The following ADAMTS10 variants were observed in gnomAD, a reference collection of about 807,000 sequenced individuals.
ADAMTS10 encodes ADAM metallopeptidase with thrombospondin type 1 motif 10.
ADAMTS10 carries 48 observed loss-of-function variants against 135.9 expected under a neutral mutation model. That is an observed-to-expected ratio of 0.35 (90% CI 0.28 to 0.45). The LOEUF is 0.45. Ranked by LOEUF, ADAMTS10 falls within the 20% of genes least tolerant of loss-of-function variation. ADAMTS10 has a pLI of 1.00. For synonymous variants in ADAMTS10, 621 were observed against 647.5 expected, an observed-to-expected ratio of 0.96 and a Z score of 0.62; for missense variants, 1,131 against 1,565.2, an observed-to-expected ratio of 0.72 and a Z score of 4.68.
chr19:8,605,872 G>T lies in ADAMTS10; in HGVS notation c.-99-63C>A. 1 of 1,376,972 alleles carries T rather than the reference G, an allele frequency of 7.3e-7. No homozygotes were observed. Among genetic ancestry groups the T allele is most frequent in the Admixed American group, 2.8e-5 (1 of 35,746 alleles). 85.3% of individuals were successfully genotyped at this position (1,376,972 alleles called of 1,614,324 possible). On this transcript the variant is annotated intron_variant, in intron 2 of 25. Transcript: ENST00000597188. The surrounding 1 kb of genome is among the most constrained non-coding windows in gnomAD (Gnocchi z 7.7). ...CGCTGTCCAGCACAACCAATGCCAA[G>T]GCCAATCATGGCCAAAGCTTTTCAC... is the stretch of plus-strand genomic sequence containing the variant.
intron 5 of ADAMTS10, among the ~76,000 whole-genome samples, chr19:8,603,019 C>T (rs2042683043): frequency 6.6e-6 from 1 of 152,178 alleles, no homozygotes; most frequent in South Asian, 2.1e-4. Context: ...CCTGATTGTA[C>T]AACCATCCTC....
Position 8,585,678 on chromosome 19 carries a change from G to C in ADAMTS10, c.2661-18C>G. 1 of 1,610,644 alleles carries C rather than the reference G, an allele frequency of 6.2e-7. No individual in the cohort carries two copies. Among genetic ancestry groups the C allele is most frequent in the Non-Finnish European group, 8.5e-7 (1 of 1,178,610 alleles). ...CAACCCAGCTGTAAGAGATGAAGGGGTCTGAGCAAGTAAGCAGGGCAGGGG... is the reference window on the plus strand; with the variant it reads ...CAACCCAGCTGTAAGAGATGAAGGGCTCTGAGCAAGTAAGCAGGGCAGGGG... On this transcript the variant is annotated intron_variant, in intron 22 of 25. Transcript: ENST00000597188.
At chr19:8,592,659 G>C in intron 13 of ADAMTS10, 104 bp downstream of exon 13, 1 of 1,186,738 alleles carries the variant, frequency 8.4e-7, no homozygotes, top group Non-Finnish European at 1.2e-6. Flanking sequence ...TGGCCAATGT[G>C]GGAGGGAGCA....
chr19:8,592,878 C>A lies in ADAMTS10; in HGVS notation c.1480-8G>T. On this transcript the variant is annotated splice_polypyrimidine_tract_variant and splice_region_variant and intron_variant, in intron 12 of 25. Coordinates refer to ENST00000597188, the MANE Select transcript of ADAMTS10 (RefSeq NM_030957.4). ...CAGCTCGCTGCAGACCTCCTGCGGG[C>A]CGAGGTGCCCGCTCAGGCTCGCCCC... 1.2e-6 allele frequency: 2 copies of A among 1,608,276 alleles called. No homozygotes were observed. The highest frequency in any genetic ancestry group is 8.5e-7 in the Non-Finnish European group (1 of 1,179,008).
At chr19:8,589,097 C>T (rs371980921) in intron 18 of ADAMTS10, 145 bp downstream of exon 18, 52 of 1,384,944 alleles carry the variant, frequency 3.8e-5, no homozygotes, top group Admixed American at 2.5e-4. Context: ...TGGCTGAGCC[C>T]GCAGGACTTT....
chr19:8,610,267 C>G (rs1351118344), intron 1 of ADAMTS10, among the ~76,000 whole-genome samples: 7 of 151,944 alleles, frequency 4.6e-5, no homozygotes, highest in African/African-American at 1.7e-4. Context: ...GACACACACA[C>G]AAACCCAGAC....
chr19:8,585,514 A>C lies in ADAMTS10; in HGVS notation c.2807T>G (p.Leu936Arg). 1 of 1,552,314 alleles carries C rather than the reference A, an allele frequency of 6.4e-7. No individual in the cohort carries two copies. Among genetic ancestry groups the C allele is most frequent in the Non-Finnish European group, 8.7e-7 (1 of 1,147,972 alleles). The change falls in exon 23 of 26, where the codon CTG becomes CGG. Residue 936 changes from leucine to arginine, a missense_variant. Leu to Arg is a moderately radical substitution (Grantham distance 102). Transcript: ENST00000597188. Reference sequence around the variant, plus strand: ...GCAAGTGGGGCCGTGGCAGGCCTCCAGTACAGGTGGGCGCGGCTGCGGGCA... The same window carrying C: ...GCAAGTGGGGCCGTGGCAGGCCTCCCGTACAGGTGGGCGCGGCTGCGGGCA... ...SACPQPRPPV[L>R]EACHGPTCPP...
intron 15 of ADAMTS10, 76 bp downstream of exon 15, chr19:8,591,724 G>A: frequency 6.4e-7 from 1 of 1,568,770 alleles, no homozygotes; most frequent in Non-Finnish European, 8.7e-7. Context: ...ACAGGCGTGA[G>A]CCACGGTGCC....
In ADAMTS10 at chr19:8,596,858, C is replaced by A. The variant is rs1265349085; in HGVS notation, c.1040+129G>T. On this transcript the variant is annotated intron_variant, in intron 8 of 25. Coordinates refer to ENST00000597188, the MANE Select transcript of ADAMTS10 (RefSeq NM_030957.4). This position sits in a 1 kb window ranked among gnomAD's most constrained non-coding sequence, Gnocchi z 7.2. ...AAGCAGCCCCTCCCCATCCCTGGCT[C>A]CCTCATGGGCAGCCCAAACTTCTCT... is the stretch of plus-strand genomic sequence containing the variant. 2.0e-5 allele frequency: 29 copies of A among 1,443,536 alleles called. No individual in the cohort carries two copies. Among genetic ancestry groups the A allele is most frequent in the Non-Finnish European group, 2.0e-5 (21 of 1,050,526 alleles). 89.4% of individuals were successfully genotyped at this position (1,443,536 alleles called of 1,614,324 possible).
chr19:8,594,019 C>A (rs924107029), intron 12 of ADAMTS10, among the ~76,000 whole-genome samples: 6 of 152,238 alleles, frequency 3.9e-5, no homozygotes, highest in Non-Finnish European at 7.3e-5. Flanking sequence ...TCTCTGCCTT[C>A]TGCCTTATAG....
At chr19:8,581,727 C>T (rs1240888081) in intron 25 of ADAMTS10, among the ~76,000 whole-genome samples, 6 of 151,728 alleles carry the variant, frequency 4.0e-5, no homozygotes, top group Non-Finnish European at 5.9e-5. Context: ...CCCAGCTACT[C>T]GACAGCCTGA....
intron 6 of ADAMTS10, among the ~76,000 whole-genome samples, chr19:8,600,674 A>ATT (rs1207766223): frequency 2.0e-5 from 3 of 151,006 alleles, no homozygotes; most frequent in African/African-American, 7.3e-5. Flanking sequence ...AATTTTTTGT[A>ATT]TTTTTAGTAG....
chr19:8,591,099 A>G (rs2042518788), intron 15 of ADAMTS10, among the ~76,000 whole-genome samples: 1 of 152,122 alleles, frequency 6.6e-6, no homozygotes, highest in African/African-American at 2.4e-5. Flanking sequence ...GCACAAGCAG[A>G]GGACAGACAC....
chr19:8,609,819 G>C (rs1159425080), intron 1 of ADAMTS10, among the ~76,000 whole-genome samples: 1 of 151,724 alleles, frequency 6.6e-6, no homozygotes, highest in Non-Finnish European at 1.5e-5. Context: ...CGCAACCAGA[G>C]ACCGGCGCTC....
At chr19:8,589,401 A>ACCCCCC in intron 17 of ADAMTS10, 36 bp from the exon 18 acceptor site, 1 of 1,599,440 alleles carries the variant, frequency 6.3e-7, no homozygotes, top group Non-Finnish European at 8.5e-7. Flanking sequence ...CGACCCCCTA[A>ACCCCCC]CCCACCCCCG....
chr19:8,585,636 G>A lies in ADAMTS10; in HGVS notation c.2685C>T (p.Leu895=). 1 of 1,612,180 alleles carries A rather than the reference G, an allele frequency of 6.2e-7. No individual in the cohort carries two copies. The highest frequency in any genetic ancestry group is 8.5e-7 in the Non-Finnish European group (1 of 1,179,630). ...CGCCTGCATCGCAGCTGCGGCTGCA[G>A]AGCGACCAGTTCCCTACAACCCAGC... The part of the protein sequence containing the change: ...PPDWVVGNWS[L]CSRSCDAGVR... Residue 895 remains leucine, a synonymous_variant, in exon 23 of 26, where the codon CTC becomes CTT. Transcript: ENST00000597188.
At chr19:8,589,845 G>A (rs1555738464) in intron 16 of ADAMTS10, 44 bp downstream of exon 16, 6 of 1,576,338 alleles carry the variant, frequency 3.8e-6, no homozygotes, top group Non-Finnish European at 5.2e-6. Flanking sequence ...ACACTCCCAC[G>A]GCTGCCCTTC....
At chr19:8,591,727 A>G in intron 15 of ADAMTS10, 73 bp downstream of exon 15, 1 of 1,577,758 alleles carries the variant, frequency 6.3e-7, no homozygotes, top group Non-Finnish European at 8.7e-7. Context: ...GGCGTGAGCC[A>G]CGGTGCCCGG....
At chr19:8,587,625 C>T (rs546413208) in intron 18 of ADAMTS10, among the ~76,000 whole-genome samples, 2 of 151,850 alleles carry the variant, frequency 1.3e-5, no homozygotes, top group African/African-American at 4.8e-5. Context: ...TACACCACCA[C>T]ACCCGCCTAA....
Sources: gnomAD v4.1 joint callset for allele counts (sites outside exome capture counted in the v4.1 genomes callset) on GRCh38, gnomAD v4.1.1 for gene constraint, Gnocchi (gnomAD v3.1) non-coding constraint, MANE v1.5 for transcripts, NCBI Gene and HGNC (gene_info 2026-07-23, HGNC 2026-07-21) for gene names.